The following SLCO1B3 variants were observed in gnomAD, a reference collection of about 807,000 sequenced individuals.
SLCO1B3 encodes solute carrier organic anion transporter family member 1B3.
SLCO1B3 carries 72 observed loss-of-function variants against 71.8 expected under a neutral mutation model. The observed-to-expected ratio is 1.00, with a 90% CI of 0.83 to 1.22. The LOEUF (loss-of-function observed/expected upper bound fraction) is 1.22, where lower values mean the gene tolerates loss of function less well. SLCO1B3 is among the 50% of genes most tolerant of loss of function. SLCO1B3 has a pLI of 0.00. For missense variants in SLCO1B3, 911 were observed against 819.7 expected (o/e 1.11, Z -1.36); for synonymous variants, 298 against 278.4 (o/e 1.07, Z -0.70).
At chr12:20,882,019 T>A (rs1865704826) in intron 12 of SLCO1B3, among the ~76,000 whole-genome samples, 1 of 152,176 alleles carries the variant, frequency 6.6e-6, no homozygotes, top group Non-Finnish European at 1.5e-5. Context: ...ACTTGCACAT[T>A]TGTGGCCCAA....
chr12:20,862,575 A>G lies in SLCO1B3; in HGVS notation c.628+17A>G, dbSNP rs773463874. The G allele has an allele frequency of 9.5e-6, 15 of 1,575,240 alleles. No individual in the cohort carries two copies. The highest frequency in any genetic ancestry group is 3.5e-5 in the South Asian group (3 of 85,566). ...TGTATTTAGGTAACGTACAGAATAT[A>G]TTAAATTTCATGATTACATTCCCTG... On this transcript the variant is annotated intron_variant, in intron 7 of 15. Transcript: ENST00000381545.
chr12:20,871,714 C>T (rs967652836), intron 8 of SLCO1B3, among the ~76,000 whole-genome samples: 2 of 152,060 alleles, frequency 1.3e-5, no homozygotes, highest in African/African-American at 2.4e-5. Context: ...CTGCTTTCTC[C>T]AAAGCAAATG....
chr12:20,818,464 G>A (rs890649129), intron 3 of SLCO1B3, among the ~76,000 whole-genome samples: 1 of 150,210 alleles, frequency 6.7e-6, no homozygotes, highest in African/African-American at 2.4e-5. Context: ...TAGTGAAAGT[G>A]TCTACTTAGA....
chr12:20,858,915 A>C (rs569174395), intron 5 of SLCO1B3: 1 of 157,484 alleles, frequency 6.3e-6, no homozygotes, highest in South Asian at 1.9e-4. Context: ...AGGCTTCACA[A>C]CTTCACCTGC....
At chr12:20,824,380 C>G (rs148037988) in intron 3 of SLCO1B3, among the ~76,000 whole-genome samples, 2 of 152,300 alleles carry the variant, frequency 1.3e-5, no homozygotes, top group East Asian at 1.9e-4. Context: ...ATTTTCCTAT[C>G]TATTCCAATG....
intron 3 of SLCO1B3, among the ~76,000 whole-genome samples, chr12:20,823,808 C>A (rs1315033326): frequency 6.6e-6 from 1 of 152,050 alleles, no homozygotes; most frequent in Non-Finnish European, 1.5e-5. Context: ...CTGGACCAGT[C>A]AAAAAGTGAC....
At chr12:20,822,636 G>A (rs1396192274) in intron 3 of SLCO1B3, among the ~76,000 whole-genome samples, 3 of 152,144 alleles carry the variant, frequency 2.0e-5, no homozygotes, top group African/African-American at 7.2e-5. Flanking sequence ...GTATGGCCAC[G>A]TTACTGAATC....
At chr12:20,849,216 A>G (rs898239500) in intron 3 of SLCO1B3, among the ~76,000 whole-genome samples, 2 of 152,074 alleles carry the variant, frequency 1.3e-5, no homozygotes, top group Non-Finnish European at 2.9e-5. Flanking sequence ...AAAAGATTGT[A>G]CACCATAACA....
At chr12:20,857,297 AC>A (rs1256943493) in intron 4 of SLCO1B3, among the ~76,000 whole-genome samples, 5 of 152,058 alleles carry the variant, frequency 3.3e-5, no homozygotes, top group Non-Finnish European at 7.4e-5. Flanking sequence ...ATGAAAGCTT[AC>A]GTCTTCCTCT....
At chr12:20,848,558 G>A (rs1864959968) in intron 3 of SLCO1B3, among the ~76,000 whole-genome samples, 1 of 152,096 alleles carries the variant, frequency 6.6e-6, no homozygotes, top group Non-Finnish European at 1.5e-5. Flanking sequence ...CTTTATTCAT[G>A]ATTGTCATGA....
At chr12:20,814,696 C>T (rs1187873680) in intron 2 of SLCO1B3, among the ~76,000 whole-genome samples, 1 of 152,060 alleles carries the variant, frequency 6.6e-6, no homozygotes, top group African/African-American at 2.4e-5. Context: ...CGAGACCATG[C>T]TGGCTAACAC....
At chr12:20,815,853 A>T in intron 3 of SLCO1B3, 31 bp downstream of exon 3, 2 of 1,436,152 alleles carry the variant, frequency 1.4e-6, no homozygotes, top group South Asian at 1.3e-5. Context: ...TCAAACTAAA[A>T]TAAGTTAATG....
At chr12:20,889,474 C>T (rs1865859558) in intron 13 of SLCO1B3, among the ~76,000 whole-genome samples, 1 of 152,016 alleles carries the variant, frequency 6.6e-6, no homozygotes, top group Admixed American at 6.6e-5. Flanking sequence ...TCTAGGTTTT[C>T]CAGTTTATGT....
intron 3 of SLCO1B3, among the ~76,000 whole-genome samples, chr12:20,820,181 G>A (rs899755983): frequency 3.3e-5 from 5 of 152,084 alleles, no homozygotes; most frequent in Admixed American, 1.3e-4. Flanking sequence ...TGATTAAGAA[G>A]GGGACGGACT....
At chr12:20,816,674 T>A (rs1165723877) in intron 3 of SLCO1B3, among the ~76,000 whole-genome samples, 1 of 152,204 alleles carries the variant, frequency 6.6e-6, no homozygotes, top group African/African-American at 2.4e-5. Context: ...GTACAGATAA[T>A]CTTAGATATA....
intron 4 of SLCO1B3, among the ~76,000 whole-genome samples, chr12:20,856,592 C>T (rs1865142677): frequency 6.6e-6 from 1 of 152,116 alleles, no homozygotes; most frequent in African/African-American, 2.4e-5. Context: ...GGCAGAGTCT[C>T]CCTCTGTCGC....
intron 15 of SLCO1B3, among the ~76,000 whole-genome samples, chr12:20,911,468 G>T (rs1188863879): frequency 6.6e-6 from 1 of 152,172 alleles, no homozygotes; most frequent in African/African-American, 2.4e-5. Flanking sequence ...GAGACAGGAA[G>T]TATTCCTGCT....
At chr12:20,912,674 C>A (rs1866409235) in intron 15 of SLCO1B3, among the ~76,000 whole-genome samples, 1 of 151,808 alleles carries the variant, frequency 6.6e-6, no homozygotes, top group South Asian at 2.1e-4. Flanking sequence ...CAGGCCTGCA[C>A]CCCCACACGC....
intron 15 of SLCO1B3, among the ~76,000 whole-genome samples, chr12:20,905,912 T>A (rs566016549): frequency 6.6e-6 from 1 of 152,290 alleles, no homozygotes; most frequent in Admixed American, 6.5e-5. Flanking sequence ...ATATTCTCTA[T>A]TAGTCTGCCT....
Sources: allele counts gnomAD v4.1 joint callset (sites outside exome capture counted in the v4.1 genomes callset), GRCh38; gene constraint gnomAD v4.1.1; transcripts MANE v1.5; gene names NCBI Gene and HGNC (gene_info 2026-07-23, HGNC 2026-07-21).